Variants in CARM1 observed in about 807,000 individuals in gnomAD.
The protein encoded by CARM1 is coactivator associated arginine methyltransferase 1.
A neutral mutation model predicts 72.7 loss-of-function variants in CARM1; 14 were observed. That is an observed-to-expected ratio of 0.19 (90% CI 0.13 to 0.30). CARM1 has a LOEUF of 0.30. Among genes scored for constraint, CARM1 ranks in the 10% least tolerant of loss-of-function variants. CARM1 has a pLI of 1.00. For synonymous variants in CARM1, 333 were observed against 345.5 expected (o/e 0.96, Z 0.40); for missense variants, 432 against 833.7 (o/e 0.52, Z 5.93).
Position 10,920,731 on chromosome 19 carries a change from G to C in CARM1, c.1407G>C (p.Leu469=). 1 of 1,614,140 alleles carries C rather than the reference G, an allele frequency of 6.2e-7. No homozygotes were observed. Among genetic ancestry groups the C allele is most frequent in the Middle Eastern group, 1.6e-4 (1 of 6,062 alleles). The part of the protein sequence containing the change: ...TGSKSSNLLD[L]KNPFFRYTGT... ...CCAAGTCCAGTAACCTCCTGGATCT[G>C]AAAAACCCCTTCTTTAGGTAGGAGG... The change falls in exon 12 of 16, where the codon CTG becomes CTC. Residue 469 remains leucine, a synonymous_variant. Coordinates refer to ENST00000327064, the MANE Select transcript of CARM1 (RefSeq NM_199141.2). The surrounding 1 kb of genome is among the most constrained non-coding windows in gnomAD (Gnocchi z 5.3).
Position 10,893,295 on chromosome 19 carries a change from C to T in CARM1, c.221-11656C>T, listed in dbSNP as rs146392654. Among the ~76,000 whole-genome samples, 165 of 152,180 alleles carry T rather than the reference C, an allele frequency of 1.1e-3. 1 individual carries two copies. The highest frequency in any genetic ancestry group is 3.7e-3 in the African/African-American group (155 of 41,540). On this transcript the variant is annotated intron_variant, in intron 1 of 15. Coordinates refer to ENST00000327064, the MANE Select transcript of CARM1 (RefSeq NM_199141.2). ...CACATGATCCACCTGCTTCGGCCTC[C>T]CATAGTGCTGGGATTACAGGCGTGA...
In CARM1 at chr19:10,914,053, C is replaced by T. The variant is rs779157719; in HGVS notation, c.846C>T (p.Ser282=). The change falls in exon 6 of 16, where the codon AGC becomes AGT. Residue 282 remains serine (S), a splice_region_variant and synonymous_variant. Coordinates refer to ENST00000327064, the MANE Select transcript of CARM1 (RefSeq NM_199141.2). ...YLHAKKYLKP[S]GNMFPTIGDV... Reference sequence around the variant, plus strand: ...ACGCCAAGAAGTACCTGAAGCCCAGCGGTGAGCACTGGGGGGTACACAGGC... The same window carrying T: ...ACGCCAAGAAGTACCTGAAGCCCAGTGGTGAGCACTGGGGGGTACACAGGC... The T allele has an allele frequency of 9.3e-6, 15 of 1,610,816 alleles. No individual in the cohort carries two copies. In the Admixed American group the frequency reaches 1.3e-4, roughly 14 times the overall value.
Position 10,913,966 on chromosome 19 carries a change from C to T in CARM1, c.759C>T (p.Ile253=). The T allele has an allele frequency of 6.2e-7, 1 of 1,613,800 alleles. No homozygotes were observed. Among genetic ancestry groups the T allele is most frequent in the Non-Finnish European group, 8.5e-7 (1 of 1,179,960 alleles). The change falls in exon 6 of 16, where the codon ATC becomes ATT. Residue 253 remains isoleucine (I), a synonymous_variant. Transcript: ENST00000327064. ...EEVSLPEQVD[I]IISEPMGYML... Reference sequence around the variant, plus strand: ...TGTCACTCCCCGAGCAGGTGGACATCATCATCTCGGAGCCCATGGGCTACA... The same window carrying T: ...TGTCACTCCCCGAGCAGGTGGACATTATCATCTCGGAGCCCATGGGCTACA...
chr19:10,872,379 C>G (rs992571711), intron 1 of CARM1, among the ~76,000 whole-genome samples: 2 of 152,186 alleles, frequency 1.3e-5, no homozygotes, highest in South Asian at 4.2e-4. Flanking sequence ...TGGGGACCCC[C>G]TGGATAGCTC....
At chr19:10,893,135 T>C (rs2074000026) in intron 1 of CARM1, among the ~76,000 whole-genome samples, 1 of 152,138 alleles carries the variant, frequency 6.6e-6, no homozygotes, top group Non-Finnish European at 1.5e-5. Context: ...CCTCCCAGGT[T>C]CAAGTGATTC....
Position 10,921,934 on chromosome 19 carries a change from C to T in CARM1, c.*177C>T, listed in dbSNP as rs1377442724. The T allele has an allele frequency of 8.3e-6, 5 of 599,398 alleles. No individual in the cohort carries two copies. In the East Asian group the frequency reaches 9.3e-5, roughly 11 times the overall value. 37.1% of individuals were successfully genotyped at this position (599,398 alleles called of 1,614,324 possible). ...TGTTGCCGCCGTCCCCACCCTAACCCCCACCTCCCGGCCCTGAGCGTGTGT... is the reference window on the plus strand; with the variant it reads ...TGTTGCCGCCGTCCCCACCCTAACCTCCACCTCCCGGCCCTGAGCGTGTGT... On this transcript the variant is annotated 3_prime_UTR_variant, in exon 16 of 16. Transcript: ENST00000327064.
At position 10,904,967 on chromosome 19, in the gene CARM1, C is replaced by T; in HGVS notation, c.237C>T (p.Val79=). Residue 79 remains valine, a synonymous_variant, in exon 2 of 16, where the codon GTC becomes GTT. Transcript: ENST00000327064. The part of the protein sequence containing the change: ...IALYSHEDVC[V]FKCSVSRETE... ...CTCTCGTAGATGAAGATGTGTGTGT[C>T]TTTAAGTGCTCAGTGTCCCGAGAGA... 1 of 1,614,236 alleles carries T rather than the reference C, an allele frequency of 6.2e-7. No homozygotes were observed. The highest frequency in any genetic ancestry group is 8.5e-7 in the Non-Finnish European group (1 of 1,180,032).
intron 1 of CARM1, among the ~76,000 whole-genome samples, chr19:10,883,715 G>A (rs1444121168): frequency 6.6e-6 from 1 of 152,162 alleles, no homozygotes; most frequent in Non-Finnish European, 1.5e-5. Context: ...CACCACGGCT[G>A]GCTAATTTTT....
In CARM1 at chr19:10,896,987, A is replaced by G. The variant is rs1424257409; in HGVS notation, c.221-7964A>G. 6.6e-6 allele frequency among the ~76,000 whole-genome samples: 1 copy of G among 152,162 alleles called. No homozygotes were observed. Among genetic ancestry groups the G allele is most frequent in the East Asian group, 1.9e-4 (1 of 5,190 alleles). On this transcript the variant is annotated intron_variant, in intron 1 of 15. Transcript: ENST00000327064. The surrounding 1 kb of genome is among the most constrained non-coding windows in gnomAD (Gnocchi z 5.2). ...CACAGCCATGCTCATTTGTTTACAT[A>G]TTGTCTGCTGCAAGGCAGAATAGAA... is the stretch of plus-strand genomic sequence containing the variant.
rs138804199 is a variant in CARM1 at position 10,892,522 on chromosome 19, G to A, written c.221-12429G>A. Among the ~76,000 whole-genome samples the A allele has an allele frequency of 9.5e-4, 145 of 152,346 alleles. 3 individuals are homozygous for A. The East Asian group carries it at 0.013, about 14-fold the overall frequency. ...CTCCGAGGACGACATCGGAGGATCC[G>A]ACTCAGGTTACGGCAGGAGAGGGAG... On this transcript the variant is annotated intron_variant, in intron 1 of 15. Coordinates refer to ENST00000327064, the MANE Select transcript of CARM1 (RefSeq NM_199141.2).
chr19:10,872,028 G>A (rs1407612151), intron 1 of CARM1, 106 bp downstream of exon 1: 17 of 963,400 alleles, frequency 1.8e-5, no homozygotes, highest in African/African-American at 3.5e-5. Context: ...CCTGGCGTGG[G>A]GTCCCCGGGA....
intron 1 of CARM1, among the ~76,000 whole-genome samples, chr19:10,891,621 G>T (rs549415587): frequency 2.8e-4 from 42 of 152,362 alleles, no homozygotes; most frequent in Non-Finnish European, 5.0e-4. Flanking sequence ...TGTTGGGGGG[G>T]TGGTCCCCAG....
At chr19:10,904,014 A>G (rs1227991420) in intron 1 of CARM1, among the ~76,000 whole-genome samples, 1 of 152,130 alleles carries the variant, frequency 6.6e-6, no homozygotes, top group Non-Finnish European at 1.5e-5. Context: ...TGTCCTGTAT[A>G]ACTTTTAAAA....
In CARM1 at chr19:10,909,099, C is replaced by G. The variant is rs1435040590; in HGVS notation, c.454-4C>G. ...CCCGTGCCATCGGTATGTCTCTGTT[C>G]CAGTTTTATGGCTACCTGTCCCAGC... On this transcript the variant is annotated splice_polypyrimidine_tract_variant and splice_region_variant and intron_variant, in intron 3 of 15. Coordinates refer to ENST00000327064, the MANE Select transcript of CARM1 (RefSeq NM_199141.2). 1 of 1,610,824 alleles carries G rather than the reference C, an allele frequency of 6.2e-7. No homozygotes were observed. The highest frequency in any genetic ancestry group is 8.5e-7 in the Non-Finnish European group (1 of 1,177,346).
In CARM1 at chr19:10,871,822, C is replaced by A; in HGVS notation, c.120C>A (p.Ile40=). 1 of 1,288,594 alleles carries A rather than the reference C, an allele frequency of 7.8e-7. No homozygotes were observed. The highest frequency in any genetic ancestry group is 3.5e-5 in the East Asian group (1 of 28,348). The allele number at this position is 1,288,594 out of a possible 1,614,324, so 79.8% of individuals were successfully genotyped here. The change falls in exon 1 of 16, where the codon ATC becomes ATA. Residue 40 remains isoleucine, a synonymous_variant. Coordinates refer to ENST00000327064, the MANE Select transcript of CARM1 (RefSeq NM_199141.2). The surrounding 1 kb of genome is among the most constrained non-coding windows in gnomAD (Gnocchi z 5.6). ...TCCCCGGCGCCCGCCTCCTCACCAT[C>A]GGCGACGCGAACGGCGAGATCCAGC... ...SVFPGARLLT[I]GDANGEIQRH...
At chr19:10,890,591 G>A (rs1328178262) in intron 1 of CARM1, among the ~76,000 whole-genome samples, 1 of 150,620 alleles carries the variant, frequency 6.6e-6, no homozygotes, top group African/African-American at 2.4e-5. Flanking sequence ...AGTTTTGTGT[G>A]GTGGTACATA....
At chr19:10,898,440 A>G (rs2074039567) in intron 1 of CARM1, among the ~76,000 whole-genome samples, 1 of 152,186 alleles carries the variant, frequency 6.6e-6, no homozygotes, top group Non-Finnish European at 1.5e-5. Context: ...TCTCCAGGCC[A>G]TGTGCACACA....
chr19:10,900,781 T>G (rs2074057952), intron 1 of CARM1, among the ~76,000 whole-genome samples: 1 of 152,062 alleles, frequency 6.6e-6, no homozygotes, highest in African/African-American at 2.4e-5. Context: ...CCTCCCAGGT[T>G]CCTGCCATTC....
At position 10,920,973 on chromosome 19, in the gene CARM1, G is replaced by A; in HGVS notation, c.1537+27G>A. On this transcript the variant is annotated intron_variant, in intron 13 of 15. Transcript: ENST00000327064. The surrounding 1 kb of genome is among the most constrained non-coding windows in gnomAD (Gnocchi z 5.3). ...TGAGCAGGGCCCACCCCAATGCCCAGCCAACCCGGGAGGCCGCCCTCGCCG... is the reference window on the plus strand; with the variant it reads ...TGAGCAGGGCCCACCCCAATGCCCAACCAACCCGGGAGGCCGCCCTCGCCG... The A allele has an allele frequency of 6.2e-7, 1 of 1,613,380 alleles. No homozygotes were observed. The highest frequency in any genetic ancestry group is 8.5e-7 in the Non-Finnish European group (1 of 1,179,342).
Sources: allele counts gnomAD v4.1 joint callset (sites outside exome capture counted in the v4.1 genomes callset), GRCh38; gene constraint gnomAD v4.1.1; non-coding constraint Gnocchi (gnomAD v3.1); transcripts MANE v1.5; gene names NCBI Gene and HGNC (gene_info 2026-07-23, HGNC 2026-07-21).